The following STPG2 variants were observed in gnomAD, a reference collection of about 807,000 sequenced individuals.
STPG2 encodes sperm tail PG-rich repeat containing 2.
A neutral mutation model predicts 54.2 loss-of-function variants in STPG2; 56 were observed. The ratio of observed to expected loss-of-function variants is 1.03; its 90% CI spans 0.83 to 1.29. The LOEUF (loss-of-function observed/expected upper bound fraction) is 1.29. STPG2 is among the 50% of genes most tolerant of loss of function. The pLI is 0.00. For missense variants in STPG2, 596 were observed against 544.9 expected, an observed-to-expected ratio of 1.09 and a Z score of -0.93; for synonymous variants, 200 against 181.8, an observed-to-expected ratio of 1.10 and a Z score of -0.81.
At chr4:97,445,578 T>C (rs1372358318) in intron 4 of STPG2, among the ~76,000 whole-genome samples, 1 of 152,192 alleles carries the variant, frequency 6.6e-6, no homozygotes, top group Admixed American at 6.5e-5. Flanking sequence ...TCTAAAACTG[T>C]CTTCAAAATC....
intron 8 of STPG2, among the ~76,000 whole-genome samples, chr4:97,854,505 A>G (rs948459036): frequency 4.0e-5 from 6 of 148,544 alleles, no homozygotes; most frequent in African/African-American, 1.5e-4. Context: ...TATATTATTT[A>G]TAATTATTAT....
intron 5 of STPG2, among the ~76,000 whole-genome samples, chr4:98,039,888 G>C (rs979651493): frequency 1.3e-5 from 2 of 151,704 alleles, no homozygotes; most frequent in African/African-American, 4.8e-5. Flanking sequence ...ATTTCTTTAA[G>C]AAGATTCCAT....
intron 1 of STPG2, among the ~76,000 whole-genome samples, chr4:98,142,697 G>C (rs1045582434): frequency 2.0e-5 from 3 of 151,592 alleles, no homozygotes; most frequent in Admixed American, 2.0e-4. Context: ...CAACGAGACA[G>C]CGGGAGGTAA....
chr4:97,452,253 C>T (rs1033722181), intron 4 of STPG2, among the ~76,000 whole-genome samples: 1 of 151,940 alleles, frequency 6.6e-6, no homozygotes, highest in African/African-American at 2.4e-5. Flanking sequence ...AACGCCTGCT[C>T]CTGCTTCCTG....
intron 8 of STPG2, among the ~76,000 whole-genome samples, chr4:97,873,805 G>C (rs1730077634): frequency 6.6e-6 from 1 of 151,456 alleles, no homozygotes; most frequent in Non-Finnish European, 1.5e-5. Context: ...ATTCTAATTA[G>C]TAACTTAACA....
intron 10 of STPG2, among the ~76,000 whole-genome samples, chr4:97,695,002 C>A (rs947655697): frequency 3.3e-5 from 5 of 150,876 alleles, no homozygotes; most frequent in Non-Finnish European, 5.9e-5. Flanking sequence ...GCCAATGTCA[C>A]CCTAATAGCA....
intron 3 of STPG2, among the ~76,000 whole-genome samples, chr4:98,120,804 A>G (rs1739656929): frequency 6.6e-6 from 1 of 152,182 alleles, no homozygotes; most frequent in South Asian, 2.1e-4. Flanking sequence ...TTTGGATATT[A>G]GACCTCTGTC....
chr4:97,477,476 G>GT (rs1018809087), intron 4 of STPG2, among the ~76,000 whole-genome samples: 3,311 of 120,402 alleles, frequency 0.027, 65 homozygotes, highest in African/African-American at 0.032. Flanking sequence ...TTCCTTTTTT[G>GT]TTTTTTTTTT....
At position 98,109,898 on chromosome 4, in the gene STPG2, C is replaced by G. The variant is rs565692968; in HGVS notation, c.388-593G>C. Among the ~76,000 whole-genome samples the G allele has an allele frequency of 1.9e-4, 29 of 152,134 alleles. 1 individual carries two copies. The highest frequency in any genetic ancestry group is 3.4e-3 in the Middle Eastern group (1 of 294). The stretch of plus-strand genomic sequence containing the variant: ...GAGAAATAATCATCTTTCCTTTATA[C>G]CCACTACAATAAATGTTAAAATTAA... On this transcript the variant is annotated intron_variant, in intron 3 of 10. Transcript: ENST00000295268.
Position 97,447,360 on chromosome 4 carries a change from T to C in STPG2, c.463-259527A>G, listed in dbSNP as rs542418983. Among the ~76,000 whole-genome samples, 280 of 152,320 alleles carry C rather than the reference T, an allele frequency of 1.8e-3. 1 individual carries two copies. Among genetic ancestry groups the C allele is most frequent in the African/African-American group, 6.4e-3 (266 of 41,580 alleles). ...TTCAAGCCATCTGCAGAAATTTGCA[T>C]AAGTAATAAGGAGCCAAATGTTAAT... On this transcript the variant is annotated intron_variant, in intron 4 of 4. Coordinates refer to the STPG2 transcript ENST00000522676.
intron 5 of STPG2, among the ~76,000 whole-genome samples, chr4:98,063,448 A>C (rs1176016657): frequency 4.7e-5 from 7 of 147,424 alleles, no homozygotes; most frequent in African/African-American, 9.9e-5. Flanking sequence ...ACACCATCCC[A>C]AAAAAAAAAA....
chr4:98,133,323 T>C (rs1248630471), intron 2 of STPG2, among the ~76,000 whole-genome samples: 1 of 152,038 alleles, frequency 6.6e-6, no homozygotes, highest in Admixed American at 6.6e-5. Flanking sequence ...TGGCATTTGA[T>C]TGATCAGCTA....
intron 4 of STPG2, among the ~76,000 whole-genome samples, chr4:97,478,834 A>G (rs761142179): frequency 6.6e-6 from 1 of 151,202 alleles, no homozygotes; most frequent in African/African-American, 2.4e-5. Context: ...AAGTATCCCA[A>G]TGATAAACAC....
chr4:97,973,847 T>A (rs1734417249), intron 6 of STPG2, among the ~76,000 whole-genome samples: 1 of 152,220 alleles, frequency 6.6e-6, no homozygotes, highest in Non-Finnish European at 1.5e-5. Context: ...GGGGCCTTTA[T>A]GGAGAACCTC....
At chr4:97,736,836 T>C (rs1006886495) in intron 9 of STPG2, among the ~76,000 whole-genome samples, 1 of 152,184 alleles carries the variant, frequency 6.6e-6, no homozygotes, top group African/African-American at 2.4e-5. Flanking sequence ...TGTCCCTGTC[T>C]GACAGCTTTG....
rs141877656 is a variant in STPG2 at position 97,940,285 on chromosome 4, T to A, written c.1044+3612A>T. Among the ~76,000 whole-genome samples, 7 of 152,310 alleles carry A rather than the reference T, an allele frequency of 4.6e-5. No homozygotes were observed. The East Asian group carries it at 1.2e-3, about 25-fold the overall frequency. On this transcript the variant is annotated intron_variant, in intron 8 of 10. Transcript: ENST00000295268. ...TGAGGTTTCTGTGTCTCAGGGATGA[T>A]CTTCTTGTGTAGCATCTTGCAGAAG...
intron 1 of STPG2, among the ~76,000 whole-genome samples, chr4:98,142,816 CAA>C (rs1740336093): frequency 6.6e-6 from 1 of 152,192 alleles, no homozygotes; most frequent in Non-Finnish European, 1.5e-5. Context: ...ATTGCGGAAT[CAA>C]AAGTCCTAGC....
intron 9 of STPG2, among the ~76,000 whole-genome samples, chr4:97,789,288 TACTC>T (rs1247802492): frequency 2.0e-5 from 3 of 152,174 alleles, no homozygotes; most frequent in African/African-American, 7.2e-5. Context: ...AAAACTAAAA[TACTC>T]ATATATCAAT....
chr4:97,982,943 A>G (rs1466539282), intron 5 of STPG2, among the ~76,000 whole-genome samples: 4 of 152,192 alleles, frequency 2.6e-5, no homozygotes, highest in Non-Finnish European at 4.4e-5. Context: ...CACTGCCTCT[A>G]TATTTATAAT....
Sources: gnomAD v4.1 joint callset for allele counts (sites outside exome capture counted in the v4.1 genomes callset) on GRCh38, gnomAD v4.1.1 for gene constraint, MANE v1.5 for transcripts, NCBI Gene and HGNC (gene_info 2026-07-23, HGNC 2026-07-21) for gene names.